LUZP1: variants seen among roughly 807,000 people sequenced by gnomAD.
The protein encoded by LUZP1 is filamin mechanobinding actin cross-linking protein.
LUZP1 carries 25 observed loss-of-function variants against 71.3 expected under a neutral mutation model. The ratio of observed to expected loss-of-function variants is 0.35; its 90% CI spans 0.26 to 0.49. The LOEUF (loss-of-function observed/expected upper bound fraction) is 0.49, where lower values mean the gene tolerates loss of function less well. Ranked by LOEUF, LUZP1 falls within the 20% of genes least tolerant of loss-of-function variation. The pLI is 0.99. For missense variants in LUZP1, 1,142 were observed against 1,300.8 expected (o/e 0.88, Z 1.88); for synonymous variants, 481 against 506.4 (o/e 0.95, Z 0.67).
At chr1:23,158,335 G>A (rs1644436267) in intron 2 of LUZP1, among the ~76,000 whole-genome samples, 1 of 152,144 alleles carries the variant, frequency 6.6e-6, no homozygotes, top group African/African-American at 2.4e-5. Flanking sequence ...ATTGTTTGTT[G>A]TTCTGTGAAA....
At chr1:23,106,623 T>C (rs1643984274) in intron 3 of LUZP1, among the ~76,000 whole-genome samples, 1 of 151,720 alleles carries the variant, frequency 6.6e-6, no homozygotes, top group African/African-American at 2.4e-5. Context: ...AAACCAAAAA[T>C]TTAAATTAAA....
intron 2 of LUZP1, among the ~76,000 whole-genome samples, chr1:23,118,953 C>T (rs541414233): frequency 6.6e-6 from 1 of 152,178 alleles, no homozygotes; most frequent in Non-Finnish European, 1.5e-5. Flanking sequence ...TTGTCTGTAT[C>T]TCTACTTGAG....
At position 23,092,173 on chromosome 1, in the gene LUZP1, G is replaced by A; in HGVS notation, c.2089C>T (p.Arg697Ter). The stretch of plus-strand genomic sequence containing the variant: ...AATAGGGAGGTTCTAGGTGCCCCTC[G>A]GGTTTTAGCCTTTTCTCTAGAGTTA... The change falls in exon 4 of 5, where the codon CGA becomes TGA. Residue 697 changes from arginine (R) to a stop codon, truncating the protein, a stop_gained. Transcript: ENST00000302291. LOFTEE classifies it high-confidence loss of function. 6.2e-7 allele frequency: 1 copy of A among 1,614,080 alleles called. No homozygotes were observed. The highest frequency in any genetic ancestry group is 8.5e-7 in the Non-Finnish European group (1 of 1,180,006).
chr1:23,155,054 C>A (rs534977788), intron 2 of LUZP1, among the ~76,000 whole-genome samples: 1 of 152,170 alleles, frequency 6.6e-6, no homozygotes, highest in South Asian at 2.1e-4. Context: ...TGGAAAATGT[C>A]TAATTTTATC....
At chr1:23,119,251 CTTTTTTTTTT>C (rs35522356) in intron 2 of LUZP1, among the ~76,000 whole-genome samples, 6 of 69,996 alleles carry the variant, frequency 8.6e-5, no homozygotes, top group Admixed American at 2.2e-4. Context: ...GTGACTAGCT[CTTTTTTTTTT>C]TTTTTTTTTT....
intron 2 of LUZP1, among the ~76,000 whole-genome samples, chr1:23,142,505 G>T (rs1644311066): frequency 6.6e-6 from 1 of 151,932 alleles, no homozygotes; most frequent in Non-Finnish European, 1.5e-5. Context: ...AGTCCCTTCT[G>T]ATGAGTCTGG....
intron 2 of LUZP1, among the ~76,000 whole-genome samples, chr1:23,116,797 C>T (rs954393187): frequency 9.2e-5 from 14 of 152,102 alleles, no homozygotes; most frequent in South Asian, 2.1e-4. Flanking sequence ...CCAAAGGTTT[C>T]GAATCTTTTT....
intron 2 of LUZP1, among the ~76,000 whole-genome samples, chr1:23,151,018 T>C (rs11587694): frequency 0.17 from 26,486 of 152,144 alleles, 2,446 homozygotes; most frequent in Middle Eastern, 0.3. Flanking sequence ...CTGGGTCTTC[T>C]ATTTTTATGA....
chr1:23,161,223 T>C (rs951907067), intron 2 of LUZP1, among the ~76,000 whole-genome samples: 1 of 152,106 alleles, frequency 6.6e-6, no homozygotes, highest in Non-Finnish European at 1.5e-5. Context: ...AGGGAAGACA[T>C]AATAATCATG....
At chr1:23,105,045 G>A (rs550268248) in intron 3 of LUZP1, among the ~76,000 whole-genome samples, 1 of 152,312 alleles carries the variant, frequency 6.6e-6, no homozygotes, top group African/African-American at 2.4e-5. Flanking sequence ...AGTGGATATG[G>A]GAAGCAAATT....
intron 2 of LUZP1, among the ~76,000 whole-genome samples, chr1:23,131,479 A>G (rs560131113): frequency 1.3e-5 from 2 of 152,174 alleles, no homozygotes; most frequent in Non-Finnish European, 2.9e-5. Context: ...TCTCCCAACT[A>G]GTATGTAAAC....
At chr1:23,130,644 G>A (rs988884298) in intron 2 of LUZP1, among the ~76,000 whole-genome samples, 12 of 151,176 alleles carry the variant, frequency 7.9e-5, no homozygotes, top group East Asian at 3.9e-4. Flanking sequence ...GATTTCAGGC[G>A]TGAACCACCA....
In LUZP1 at chr1:23,093,797, C is replaced by T; in HGVS notation, c.465G>A (p.Leu155=). ...CTTTCACTTTGACTCTGAGCATTTC[C>T]AGCTCAGAGGAGATTTTCTTGGTCA... Residue 155 remains leucine, a synonymous_variant, in exon 4 of 5, where the codon CTG becomes CTA. Transcript: ENST00000302291. The surrounding 1 kb of genome is among the most constrained non-coding windows in gnomAD (Gnocchi z 4.2). The T allele has an allele frequency of 6.2e-7, 1 of 1,613,974 alleles. No individual in the cohort carries two copies. The highest frequency in any genetic ancestry group is 8.5e-7 in the Non-Finnish European group (1 of 1,179,962).
At chr1:23,161,375 T>C (rs750758681) in intron 2 of LUZP1, among the ~76,000 whole-genome samples, 12 of 152,130 alleles carry the variant, frequency 7.9e-5, no homozygotes, top group Non-Finnish European at 1.5e-4. Flanking sequence ...AGCTCAGGCA[T>C]GAAGGCAGCC....
intron 3 of LUZP1, among the ~76,000 whole-genome samples, chr1:23,103,098 ATTTTTCTCATTTTTTTTTT>A (rs1643944170): frequency 9.5e-6 from 1 of 105,392 alleles, no homozygotes; most frequent in Non-Finnish European, 2.1e-5. Context: ...TGCCTGGCTA[ATTTTTCTCATTTTTTTTTT>A]TTGTAGAGAA....
chr1:23,167,735 A>G (rs1415009895), intron 2 of LUZP1, among the ~76,000 whole-genome samples: 1 of 152,184 alleles, frequency 6.6e-6, no homozygotes, highest in East Asian at 1.9e-4. Flanking sequence ...GCCACCTCCA[A>G]GAGCTCTAAA....
At chr1:23,177,242 G>A (rs938386453) in intron 1 of LUZP1, among the ~76,000 whole-genome samples, 1 of 152,052 alleles carries the variant, frequency 6.6e-6, no homozygotes, top group Admixed American at 6.5e-5. Context: ...TTGAAACTTC[G>A]AAGAAAAATG....
chr1:23,118,609 A>G (rs891114230), intron 2 of LUZP1, among the ~76,000 whole-genome samples: 6 of 152,268 alleles, frequency 3.9e-5, no homozygotes, highest in Admixed American at 2.0e-4. Context: ...ACAATAAAAC[A>G]TGGTTATTGT....
intron 2 of LUZP1, among the ~76,000 whole-genome samples, chr1:23,129,623 G>C (rs902548451): frequency 1.3e-5 from 2 of 152,040 alleles, no homozygotes; most frequent in Non-Finnish European, 2.9e-5. Flanking sequence ...TCAGAATCTT[G>C]CAACACATTT....
Sources: gnomAD v4.1 joint callset for allele counts (sites outside exome capture counted in the v4.1 genomes callset) on GRCh38, gnomAD v4.1.1 for gene constraint, Gnocchi (gnomAD v3.1) non-coding constraint, MANE v1.5 for transcripts, NCBI Gene and HGNC (gene_info 2026-07-23, HGNC 2026-07-21) for gene names.